Variants in CNOT1 observed in about 807,000 individuals in gnomAD.
The protein encoded by CNOT1 is CCR4-NOT transcription complex subunit 1.
In CNOT1, 15 loss-of-function variants were observed where a neutral mutation model predicts 273.8. The ratio of observed to expected loss-of-function variants is 0.05; its 90% confidence interval spans 0.04 to 0.08. The LOEUF (loss-of-function observed/expected upper bound fraction) is 0.08, where lower values mean the gene tolerates loss of function less well. Among genes scored for constraint, CNOT1 ranks in the 10% least tolerant of loss-of-function variants. CNOT1 has a pLI of 1.00. For synonymous variants in CNOT1, 1,022 were observed against 1,005.5 expected (o/e 1.02, Z -0.31); for missense variants, 1,644 against 2,912.2 (o/e 0.56, Z 10.02).
chr16:58,543,426 A>T, intron 31 of CNOT1, 181 bp downstream of exon 31: 1 of 1,486,838 alleles, frequency 6.7e-7, no homozygotes, highest in Non-Finnish European at 8.9e-7. Context: ...AAAAAAAAAC[A>T]CACAGACATG....
chr16:58,545,458 C>A lies in CNOT1; in HGVS notation c.4040G>T (p.Cys1347Phe). 6.2e-7 allele frequency: 1 copy of A among 1,614,058 alleles called. No individual in the cohort carries two copies. The highest frequency in any genetic ancestry group is 8.5e-7 in the Non-Finnish European group (1 of 1,179,954). Residue 1347 changes from cysteine (C) to phenylalanine (F), a missense_variant, in exon 30 of 49, where the codon TGT becomes TTT. Around this residue, in one of 13 missense-constraint regions of CNOT1, gnomAD observed 52 missense variants for 50.2 expected, o/e 1.04. Transcript: ENST00000317147. Reference protein sequence around the residue: ...TSTTPATNTTCTATVPPQPQY... With the variant: ...TSTTPATNTTFTATVPPQPQY... ...TGGCTGTGGTGGAACCGTGGCTGTA[C>A]AAGTGGTGTTGGTAGCTGGTGTAGT...
At chr16:58,590,112 G>T (rs1364488236) in intron 2 of CNOT1, among the ~76,000 whole-genome samples, 1 of 152,200 alleles carries the variant, frequency 6.6e-6, no homozygotes, top group African/African-American at 2.4e-5. Context: ...TATGTGCAGA[G>T]TAATCACGTT....
At chr16:58,554,207 TA>T (rs553508124) in intron 21 of CNOT1, among the ~76,000 whole-genome samples, 53 of 145,268 alleles carry the variant, frequency 3.6e-4, no homozygotes, top group South Asian at 8.7e-4. Context: ...TACACAGCTG[TA>T]AAAAAAAAAA....
Position 58,558,683 on chromosome 16 carries a change from A to T in CNOT1, c.2131-9T>A. 1 of 1,610,806 alleles carries T rather than the reference A, an allele frequency of 6.2e-7. No individual in the cohort carries two copies. The highest frequency in any genetic ancestry group is 8.5e-7 in the Non-Finnish European group (1 of 1,178,318). On this transcript the variant is annotated splice_polypyrimidine_tract_variant and intron_variant, in intron 17 of 48. Transcript: ENST00000317147. ...CCAGCAAGAGGGTCAATCTAAAGAA[A>T]AACATTATAAAAATGTATTAAACAT... is the stretch of plus-strand genomic sequence containing the variant.
intron 44 of CNOT1, among the ~76,000 whole-genome samples, chr16:58,526,817 CA>C (rs58419483): frequency 0.11 from 9,361 of 87,992 alleles, 399 homozygotes; most frequent in East Asian, 0.23. Context: ...AACTCCGTCT[CA>C]AAAAAAAAAA....
intron 1 of CNOT1, among the ~76,000 whole-genome samples, chr16:58,628,354 TA>T (rs1367516141): frequency 6.6e-6 from 1 of 152,174 alleles, no homozygotes; most frequent in African/African-American, 2.4e-5. Context: ...ATAGCTAAAA[TA>T]CTCTGCTGCC....
rs762569016 is a variant in CNOT1, at chr16:58,521,024, C to A, written c.7065G>T (p.Ser2355=). The A allele has an allele frequency of 6.2e-7, 1 of 1,614,024 alleles. No individual in the cohort carries two copies. The highest frequency in any genetic ancestry group is 1.7e-5 in the Admixed American group (1 of 60,010). The change falls in exon 49 of 49, where the codon TCG becomes TCT. Residue 2355 remains serine (S), a synonymous_variant. Transcript: ENST00000317147. ...TCTGTCCCATGCAGCACTGTGCGAC[C>A]GACTGGAATAACCTGAAGGATGAAG... ...CAPEIEKLFQ[S]VAQCCMGQKQ... is the part of the protein sequence containing the mutation.
In CNOT1 at chr16:58,587,869, G is replaced by A. The variant is rs866493523; in HGVS notation, c.220C>T (p.Leu74=). The change falls in exon 4 of 49, where the codon CTG becomes TTG. Residue 74 remains leucine, a synonymous_variant. Transcript: ENST00000317147. ...ATCAGCAACGCACACTCCTGAATCA[G>A]AAACTGAGTCTTTAAAAATAAAAAA... is the stretch of plus-strand genomic sequence containing the variant. ...SGKDFHQTQF[L]IQECALLITK... is the part of the protein sequence containing the mutation. 4 of 1,613,044 alleles carry A rather than the reference G, an allele frequency of 2.5e-6. No homozygotes were observed. The South Asian group carries it at 3.3e-5, about 13-fold the overall frequency.
chr16:58,625,857 CAAAAAAAA>C (rs35404068), intron 1 of CNOT1, among the ~76,000 whole-genome samples: 2 of 106,382 alleles, frequency 1.9e-5, no homozygotes, highest in East Asian at 6.0e-4. Flanking sequence ...AACCCTGTCT[CAAAAAAAA>C]AAAAAAAAAA....
At position 58,543,722 on chromosome 16, in the gene CNOT1, G is replaced by C; in HGVS notation, c.4319C>G (p.Ala1440Gly). 6.2e-7 allele frequency: 1 copy of C among 1,614,118 alleles called. No homozygotes were observed. Among genetic ancestry groups the C allele is most frequent in the South Asian group, 1.1e-5 (1 of 91,076 alleles). Residue 1440 changes from alanine to glycine, a missense_variant, in exon 31 of 49, where the codon GCA becomes GGA. By Grantham distance (60) the Ala-to-Gly change is moderately conservative. Transcript: ENST00000317147. The part of the protein sequence containing the change: ...LDSEESRMRI[A>G]AHHMMRNLTA... The stretch of plus-strand genomic sequence containing the variant: ...CAAGTTACGCATCATGTGATGAGCT[G>C]CTATTCGCATTCGAGATTCCTCCGA...
rs185903936 is a variant in CNOT1 at position 58,598,465 on chromosome 16, A to T, written c.102+771T>A. Reference sequence around the variant, plus strand: ...GCGCCTGTAGTCCCAGCTACTAGGGAGGCTGAGGCACGAGAATCACTTGAA... The same window carrying T: ...GCGCCTGTAGTCCCAGCTACTAGGGTGGCTGAGGCACGAGAATCACTTGAA... On this transcript the variant is annotated intron_variant, in intron 2 of 48. Transcript: ENST00000317147. Among the ~76,000 whole-genome samples, 189 of 150,412 alleles carry T rather than the reference A, an allele frequency of 1.3e-3. 4 individuals are homozygous for T. In the East Asian group the frequency reaches 0.034, roughly 27 times the overall value.
intron 1 of CNOT1, among the ~76,000 whole-genome samples, chr16:58,626,146 G>A (rs1282640355): frequency 2.6e-5 from 4 of 152,016 alleles, no homozygotes; most frequent in African/African-American, 7.2e-5. Context: ...TATGGCTCAC[G>A]CCTGTAATCC....
chr16:58,543,854 G>A lies in CNOT1; in HGVS notation c.4187C>T (p.Ala1396Val). The A allele has an allele frequency of 6.2e-7, 1 of 1,613,950 alleles. No individual in the cohort carries two copies. The highest frequency in any genetic ancestry group is 8.5e-7 in the Non-Finnish European group (1 of 1,179,986). ...HPQLKQCVRQ[A>V]IERAVQELVH... ...CAGCTCCTGGACAGCCCGTTCAATT[G>A]CCTGACGCACACACTGCTTCAACTG... The change falls in exon 31 of 49, where the codon GCA (alanine) becomes GTA (valine). Residue 1396 changes from alanine to valine, a missense_variant. This residue lies in a region of CNOT1 where 133 missense variants were observed against 230.4 expected (regional missense o/e 0.58). Coordinates refer to ENST00000317147, the MANE Select transcript of CNOT1 (RefSeq NM_016284.5).
rs1483537230 is a variant in CNOT1, at chr16:58,520,475, CTT to C, written c.*481_*482del. 4 of 160,468 alleles carry C rather than the reference CTT, an allele frequency of 2.5e-5. No homozygotes were observed. Among genetic ancestry groups the C allele is most frequent in the African/African-American group, 4.8e-5 (2 of 41,588 alleles). 9.9% of individuals were successfully genotyped at this position (160,468 alleles called of 1,614,324 possible). On this transcript the variant is annotated 3_prime_UTR_variant, in exon 49 of 49. Coordinates refer to ENST00000317147, the MANE Select transcript of CNOT1 (RefSeq NM_016284.5). ...TCTAGCACATCCACATTTTTAATAA[CTT>C]AGTGATTTTCAAGGTCCCCTGTCCA...
intron 8 of CNOT1, among the ~76,000 whole-genome samples, chr16:58,584,051 C>T (rs1415352105): frequency 6.6e-6 from 1 of 150,786 alleles, no homozygotes; most frequent in African/African-American, 2.4e-5. Context: ...ACCTGTAGTC[C>T]CAGCTGCTCA....
chr16:58,529,734 G>A (rs773216090), intron 43 of CNOT1, among the ~76,000 whole-genome samples: 5 of 150,730 alleles, frequency 3.3e-5, no homozygotes, highest in Non-Finnish European at 1.5e-5. Context: ...TCTGCTACTA[G>A]GGAGACTGAG....
intron 1 of CNOT1, among the ~76,000 whole-genome samples, chr16:58,617,366 T>A (rs577459520): frequency 8.6e-4 from 130 of 151,482 alleles, no homozygotes; most frequent in African/African-American, 2.7e-3. Context: ...CTCAAAAAAA[T>A]TTTTTTAATT....
At chr16:58,582,742 A>C in intron 10 of CNOT1, 51 bp downstream of exon 10, 1 of 1,081,672 alleles carries the variant, frequency 9.2e-7, no homozygotes, top group Non-Finnish European at 1.4e-6. Flanking sequence ...CTTTCTTTGG[A>C]CTATATCATT....
intron 25 of CNOT1, among the ~76,000 whole-genome samples, chr16:58,548,831 T>C (rs2040347081): frequency 6.6e-6 from 1 of 152,220 alleles, no homozygotes. Flanking sequence ...CACAAACAGA[T>C]TTAGAGTCTA....
Sources: allele counts gnomAD v4.1 joint callset (sites outside exome capture counted in the v4.1 genomes callset), GRCh38; gene constraint gnomAD v4.1.1; regional missense constraint gnomAD v4.1.1; transcripts MANE v1.5; gene names NCBI Gene and HGNC (gene_info 2026-07-23, HGNC 2026-07-21).